WDR48: variants seen among roughly 807,000 people sequenced by gnomAD.
WDR48 encodes the protein WD repeat-containing protein 48.
Under a neutral mutation model 94.0 loss-of-function variants are expected in WDR48, and 22 were observed. That is an observed-to-expected ratio of 0.23 (90% CI 0.17 to 0.33). WDR48 has a LOEUF of 0.33. Ranked by LOEUF, WDR48 falls within the 10% of genes least tolerant of loss-of-function variation. The pLI is 1.00. For synonymous variants in WDR48, 278 were observed against 280.5 expected (o/e 0.99, Z 0.09); for missense variants, 541 against 813.8 (o/e 0.66, Z 4.08).
At chr3:39,087,119 G>A (rs77465675) in intron 14 of WDR48, among the ~76,000 whole-genome samples, 1 of 152,210 alleles carries the variant, frequency 6.6e-6, no homozygotes, top group African/African-American at 2.4e-5. Context: ...GGTGCTAGGA[G>A]AGAGGTTCCA....
chr3:39,061,785 T>C (rs577087904), intron 1 of WDR48, among the ~76,000 whole-genome samples: 5,273 of 152,138 alleles, frequency 0.035, 186 homozygotes, highest in East Asian at 0.16. Flanking sequence ...TTTTAATGAC[T>C]GCCACTCTAA....
chr3:39,085,627 A>C lies in WDR48; in HGVS notation c.1474+17A>C. 6.3e-7 allele frequency: 1 copy of C among 1,590,216 alleles called. No homozygotes were observed. The highest frequency in any genetic ancestry group is 2.2e-5 in the East Asian group (1 of 44,582). On this transcript the variant is annotated intron_variant, in intron 14 of 18. Transcript: ENST00000302313. Reference sequence around the variant, plus strand: ...TAAACCATGGTTAGTTTTTATATTCAGATAGTTGCATAAAAAGTTAGAGGT... The same window carrying C: ...TAAACCATGGTTAGTTTTTATATTCCGATAGTTGCATAAAAAGTTAGAGGT...
chr3:39,085,207 A>G (rs1014681500), intron 13 of WDR48, among the ~76,000 whole-genome samples: 4 of 151,258 alleles, frequency 2.6e-5, no homozygotes, highest in Admixed American at 2.0e-4. Context: ...AGCCTGGGTG[A>G]CAGAGCGAGA....
chr3:39,091,775 G>A (rs2035084061), intron 17 of WDR48, 74 bp downstream of exon 17: 6 of 1,224,344 alleles, frequency 4.9e-6, no homozygotes, highest in Non-Finnish European at 6.8e-6. Context: ...TGCTTTTATA[G>A]CAAAGGAAGC....
chr3:39,094,604 TA>T lies in WDR48; in HGVS notation c.1939-43del, dbSNP rs1252897454. The T allele has an allele frequency of 6.2e-6, 10 of 1,611,988 alleles. No homozygotes were observed. The Admixed American group carries it at 1.2e-4, about 19-fold the overall frequency. On this transcript the variant is annotated intron_variant, in intron 18 of 18. Transcript: ENST00000302313. The stretch of plus-strand genomic sequence containing the variant: ...CCTGAGTTAATGATAAGGTTTTAGA[TA>T]TTAGAGACTTTGAAATTTTTAAATT...
At chr3:39,078,698 C>A (rs955196391) in intron 10 of WDR48, among the ~76,000 whole-genome samples, 1 of 151,442 alleles carries the variant, frequency 6.6e-6, no homozygotes, top group Non-Finnish European at 1.5e-5. Context: ...GGATTACGGG[C>A]GTGAGCCACC....
intron 11 of WDR48, among the ~76,000 whole-genome samples, chr3:39,083,927 G>C (rs1453366600): frequency 1.3e-5 from 2 of 152,134 alleles, no homozygotes; most frequent in Non-Finnish European, 2.9e-5. Context: ...ATCAATATCA[G>C]CACAATTAAA....
At chr3:39,082,253 T>C (rs866094717) in intron 11 of WDR48, among the ~76,000 whole-genome samples, 5 of 151,924 alleles carry the variant, frequency 3.3e-5, no homozygotes, top group Admixed American at 6.6e-5. Flanking sequence ...TAGGAAAATA[T>C]TTAGGCCTGT....
chr3:39,079,634 A>T, intron 10 of WDR48, 77 bp from the exon 11 acceptor site: 1 of 1,016,962 alleles, frequency 9.8e-7, no homozygotes, highest in Non-Finnish European at 1.4e-6. Flanking sequence ...GTTAGATACC[A>T]GTTAACAATT....
chr3:39,077,251 T>G (rs779661023), intron 9 of WDR48, 38 bp downstream of exon 9: 3 of 1,610,620 alleles, frequency 1.9e-6, no homozygotes, highest in Non-Finnish European at 1.7e-6. Flanking sequence ...TTTATAAACA[T>G]GTATTTTGTT....
At chr3:39,072,109 A>AATGAATCCC (rs917034349) in intron 7 of WDR48, among the ~76,000 whole-genome samples, 2 of 152,206 alleles carry the variant, frequency 1.3e-5, no homozygotes, top group African/African-American at 4.8e-5. Context: ...CTTATAGGCC[A>AATGAATCCC]ATGAATCCCA....
chr3:39,094,754 A>G lies in WDR48; in HGVS notation c.*11A>G. The G allele has an allele frequency of 6.2e-7, 1 of 1,614,014 alleles. No homozygotes were observed. Among genetic ancestry groups the G allele is most frequent in the Non-Finnish European group, 8.5e-7 (1 of 1,179,992 alleles). ...CAGAAGTCCACGTGAAGGCTGGGCTAATGCTCCTGGATATTCATTTACGAC... is the reference window on the plus strand; with the variant it reads ...CAGAAGTCCACGTGAAGGCTGGGCTGATGCTCCTGGATATTCATTTACGAC... On this transcript the variant is annotated 3_prime_UTR_variant, in exon 19 of 19. Coordinates refer to ENST00000302313, the MANE Select transcript of WDR48 (RefSeq NM_020839.4).
rs550668754 is a variant in WDR48 at position 39,070,686 on chromosome 3, TC to T, written c.672+943del. Reference sequence around the variant, plus strand: ...TGGAGGTATTTGGAGATGTGAAGGATCTTTTTTTTTTTTTTTTTTTAATACT... The same window carrying T: ...TGGAGGTATTTGGAGATGTGAAGGATTTTTTTTTTTTTTTTTTTTAATACT... On this transcript the variant is annotated intron_variant, in intron 7 of 18. Coordinates refer to ENST00000302313, the MANE Select transcript of WDR48 (RefSeq NM_020839.4). Among the ~76,000 whole-genome samples, 15 of 128,476 alleles carry T rather than the reference TC, an allele frequency of 1.2e-4. No homozygotes were observed. The East Asian group carries it at 3.1e-3, about 26-fold the overall frequency. The allele number at this position is 128,476 out of a possible 152,430, so 84.3% of individuals were successfully genotyped here.
At chr3:39,089,508 G>C in intron 16 of WDR48, 190 bp downstream of exon 16, 1 of 375,424 alleles carries the variant, frequency 2.7e-6, no homozygotes, top group Non-Finnish European at 4.7e-6. Flanking sequence ...AGCTTTGTTG[G>C]TTTTTAATTA....
chr3:39,066,721 T>A (rs983913724), intron 4 of WDR48, 25 bp from the exon 5 acceptor site: 1 of 1,613,758 alleles, frequency 6.2e-7, no homozygotes, highest in Non-Finnish European at 8.5e-7. Flanking sequence ...ACAGAATAGA[T>A]CATAGTATGT....
At position 39,084,871 on chromosome 3, in the gene WDR48, T is replaced by C. The variant is rs2125676849; in HGVS notation, c.1378+130T>C. On this transcript the variant is annotated intron_variant, in intron 13 of 18. Transcript: ENST00000302313. ...TTGACTATGTCCTAAAAATGTGGTA[T>C]GTACAAATACCTAATGTATACAAAT... 3 of 663,320 alleles carry C rather than the reference T, an allele frequency of 4.5e-6. No individual in the cohort carries two copies. The South Asian group carries it at 5.8e-5, about 13-fold the overall frequency. The allele number at this position is 663,320 out of a possible 1,614,324, so 41.1% of individuals were successfully genotyped here. A position where few individuals can be genotyped will look rare whatever the true frequency, so the allele number is the denominator to read the frequency against.
At chr3:39,057,436 T>A (rs1276331569) in intron 1 of WDR48, among the ~76,000 whole-genome samples, 1 of 152,208 alleles carries the variant, frequency 6.6e-6, no homozygotes, top group Admixed American at 6.5e-5. Context: ...CTGTTTTTCA[T>A]TACAGTCATT....
chr3:39,076,891 C>T (rs957632861), intron 8 of WDR48, among the ~76,000 whole-genome samples: 2 of 152,086 alleles, frequency 1.3e-5, no homozygotes, highest in African/African-American at 2.4e-5. Flanking sequence ...TCAAATTGAC[C>T]ACACTTAAAA....
At position 39,094,989 on chromosome 3, in the gene WDR48, C is replaced by CA. The variant is rs2035270770; in HGVS notation, c.*246_*247insA. The CA allele has an allele frequency of 1.8e-6, 1 of 543,068 alleles. No individual in the cohort carries two copies. Among genetic ancestry groups the CA allele is most frequent in the African/African-American group, 1.9e-5 (1 of 52,968 alleles). The allele number at this position is 543,068 out of a possible 1,614,324, so 33.6% of individuals were successfully genotyped here. A position where few individuals can be genotyped will look rare whatever the true frequency, so the allele number is the denominator to read the frequency against. On this transcript the variant is annotated 3_prime_UTR_variant, in exon 19 of 19. Coordinates refer to ENST00000302313, the MANE Select transcript of WDR48 (RefSeq NM_020839.4). ...CAGAAGAGCCCCAAGCAGACTATGT[C>CA]TTTCAAGATGTACAGAAGACTGACA...
Sources: allele counts gnomAD v4.1 joint callset (sites outside exome capture counted in the v4.1 genomes callset), GRCh38; gene constraint gnomAD v4.1.1; transcripts MANE v1.5; gene names NCBI Gene and HGNC (gene_info 2026-07-23, HGNC 2026-07-21).